Variants in SUZ12 observed in about 807,000 individuals in gnomAD.
The protein encoded by SUZ12 is SUZ12 polycomb repressive complex 2 subunit.
Under a neutral mutation model 87.3 loss-of-function variants are expected in SUZ12, and 17 were observed. The observed-to-expected ratio is 0.19, with a 90% confidence interval of 0.13 to 0.29. SUZ12 has a LOEUF of 0.29. SUZ12 is among the 10% of genes least tolerant of loss of function. SUZ12 has a pLI of 1.00. For synonymous variants in SUZ12, 253 were observed against 312.4 expected (o/e 0.81, Z 2.01); for missense variants, 526 against 912.2 (o/e 0.58, Z 5.45).
At chr17:31,949,942 T>G (rs1005853358) in intron 4 of SUZ12, among the ~76,000 whole-genome samples, 3 of 151,964 alleles carry the variant, frequency 2.0e-5, no homozygotes, top group South Asian at 2.1e-4. Context: ...CTTGGCCTCC[T>G]GAAGTGCTGG....
chr17:31,978,841 C>G (rs1403568117), intron 8 of SUZ12, among the ~76,000 whole-genome samples: 1 of 152,132 alleles, frequency 6.6e-6, no homozygotes, highest in African/African-American at 2.4e-5. Context: ...GGCATGGTGG[C>G]TCACGCCTGT....
chr17:31,996,000 G>A (rs1909961277), intron 14 of SUZ12, among the ~76,000 whole-genome samples: 1 of 152,118 alleles, frequency 6.6e-6, no homozygotes, highest in African/African-American at 2.4e-5. Context: ...CCTGAGTTCA[G>A]GAGTTCAAGA....
chr17:31,988,428 G>A lies in SUZ12; in HGVS notation c.1132G>A (p.Ala378Thr). 6 of 1,613,642 alleles carry A rather than the reference G, an allele frequency of 3.7e-6. No individual in the cohort carries two copies. Among genetic ancestry groups the A allele is most frequent in the Non-Finnish European group, 5.1e-6 (6 of 1,179,928 alleles). ...TACGGCTCCTATTGCCAAACCTCTT[G>A]CCACTAGAAATTCAGAGAGTCTCCA... ...KSTAPIAKPL[A>T]TRNSESLHQE... Residue 378 changes from alanine (A) to threonine (T), a missense_variant, in exon 10 of 16, where the codon GCC (alanine) becomes ACC (threonine). Around this residue, in one of 9 missense-constraint regions of SUZ12, gnomAD observed 85 missense variants for 87.4 expected, o/e 0.97. Transcript: ENST00000322652.
At chr17:31,994,982 A>G (rs976751059) in intron 13 of SUZ12, among the ~76,000 whole-genome samples, 31 of 152,200 alleles carry the variant, frequency 2.0e-4, no homozygotes, top group Non-Finnish European at 3.8e-4. Flanking sequence ...TTGGGATTAA[A>G]GAATTCTGTC....
intron 8 of SUZ12, among the ~76,000 whole-genome samples, chr17:31,977,147 G>C (rs1296223522): frequency 6.6e-6 from 1 of 152,088 alleles, no homozygotes; most frequent in African/African-American, 2.4e-5. Flanking sequence ...ATGGTGGTAT[G>C]TACCTGTAGT....
chr17:31,959,065 A>G (rs4037417), intron 4 of SUZ12, among the ~76,000 whole-genome samples: 2 of 152,160 alleles, frequency 1.3e-5, no homozygotes, highest in Admixed American at 1.3e-4. Flanking sequence ...TAGGTTGGTT[A>G]TGTGTCTTTC....
At chr17:31,990,156 G>GTTTTTTTTTTTT (rs1909648269) in intron 10 of SUZ12, among the ~76,000 whole-genome samples, 1 of 97,450 alleles carries the variant, frequency 1.0e-5, no homozygotes, top group African/African-American at 5.0e-5. Flanking sequence ...TGGATTTTTA[G>GTTTTTTTTTTTT]TAGAGATGGG....
intron 10 of SUZ12, 85 bp downstream of exon 10, chr17:31,988,582 C>T: frequency 1.5e-6 from 2 of 1,305,642 alleles, no homozygotes; most frequent in Non-Finnish European, 2.0e-6. Context: ...TTGTGTTTTG[C>T]TTTATGTGAT....
At chr17:31,960,207 A>G (rs1907614105) in intron 4 of SUZ12, among the ~76,000 whole-genome samples, 1 of 151,984 alleles carries the variant, frequency 6.6e-6, no homozygotes, top group South Asian at 2.1e-4. Flanking sequence ...AGTACATATC[A>G]GAGTGTTTAC....
At chr17:31,985,914 G>T (rs1909386556) in intron 9 of SUZ12, among the ~76,000 whole-genome samples, 1 of 151,978 alleles carries the variant, frequency 6.6e-6, no homozygotes, top group Non-Finnish European at 1.5e-5. Context: ...ACCCGCCTCG[G>T]CCTCCCAAAG....
chr17:31,990,698 G>C (rs1909675843), intron 10 of SUZ12, among the ~76,000 whole-genome samples: 1 of 151,900 alleles, frequency 6.6e-6, no homozygotes, highest in Non-Finnish European at 1.5e-5. Context: ...TACAAATAGA[G>C]TTAACTTTCT....
intron 9 of SUZ12, among the ~76,000 whole-genome samples, chr17:31,983,870 G>A (rs75714964): frequency 6.6e-6 from 1 of 152,096 alleles, no homozygotes; most frequent in African/African-American, 2.4e-5. Context: ...TAGATTAAGC[G>A]TACTTAAGAT....
intron 5 of SUZ12, among the ~76,000 whole-genome samples, chr17:31,970,210 G>T (rs1412307760): frequency 6.6e-6 from 1 of 152,176 alleles, no homozygotes; most frequent in Non-Finnish European, 1.5e-5. Flanking sequence ...TTTTGTTACT[G>T]CATTTAGACA....
chr17:31,946,548 CAAAA>C (rs1419919402), intron 3 of SUZ12, among the ~76,000 whole-genome samples: 3 of 152,050 alleles, frequency 2.0e-5, no homozygotes, highest in Non-Finnish European at 4.4e-5. Context: ...ACAAAACAAA[CAAAA>C]ACAAACAAAC....
rs1909931696 is a variant in SUZ12 at position 31,995,544 on chromosome 17, C to T, written c.1596-20C>T. The stretch of plus-strand genomic sequence containing the variant: ...TATACATGTAGAGGCCATAAATCAA[C>T]ATTTATTTCTTTTCATTAGGCCAAA... On this transcript the variant is annotated intron_variant, in intron 13 of 15. Coordinates refer to ENST00000322652, the MANE Select transcript of SUZ12 (RefSeq NM_015355.4). The T allele has an allele frequency of 1.2e-6, 2 of 1,608,088 alleles. No individual in the cohort carries two copies. Among genetic ancestry groups the T allele is most frequent in the Admixed American group, 3.3e-5 (2 of 59,980 alleles).
intron 3 of SUZ12, among the ~76,000 whole-genome samples, chr17:31,942,306 CATTTT>C (rs887899814): frequency 4.6e-5 from 7 of 151,770 alleles, no homozygotes; most frequent in African/African-American, 1.7e-4. Flanking sequence ...CAGAAAGTCT[CATTTT>C]ATATCTTTGG....
chr17:31,989,205 G>A (rs1378642205), intron 10 of SUZ12, among the ~76,000 whole-genome samples: 1 of 152,070 alleles, frequency 6.6e-6, no homozygotes, highest in Non-Finnish European at 1.5e-5. Context: ...TTACAGGTGA[G>A]AGCCACCTCT....
Position 31,997,648 on chromosome 17 carries a change from AGAGT to A in SUZ12, c.1874+775_1874+778del, listed in dbSNP as rs774830581. Among the ~76,000 whole-genome samples, 238 of 142,256 alleles carry A rather than the reference AGAGT, an allele frequency of 1.7e-3. No individual in the cohort carries two copies. The Middle Eastern group carries it at 0.019, about 12-fold the overall frequency. The allele number at this position is 142,256 out of a possible 152,430, so 93.3% of individuals were successfully genotyped here. ...ACCACTGCACTCCAGCCTGGGCAAC[AGAGT>A]GAGACCCTATCTCCAAAAAAAAAAA... On this transcript the variant is annotated intron_variant, in intron 15 of 15. Coordinates refer to ENST00000322652, the MANE Select transcript of SUZ12 (RefSeq NM_015355.4).
intron 8 of SUZ12, among the ~76,000 whole-genome samples, chr17:31,981,270 C>A (rs1480794735): frequency 1.3e-5 from 2 of 152,084 alleles, no homozygotes; most frequent in East Asian, 1.9e-4. Context: ...AAGACCACTG[C>A]CCAATAGAAG....
Sources: allele counts gnomAD v4.1 joint callset (sites outside exome capture counted in the v4.1 genomes callset), GRCh38; gene constraint gnomAD v4.1.1; regional missense constraint gnomAD v4.1.1; transcripts MANE v1.5; gene names NCBI Gene and HGNC (gene_info 2026-07-23, HGNC 2026-07-21).